The following CRISP2 variants were observed in gnomAD, a reference collection of about 807,000 sequenced individuals.
CRISP2 encodes cysteine rich secretory protein 2, also known as cysteine-rich secretory protein 2.
Under a neutral mutation model 31.7 loss-of-function variants are expected in CRISP2, and 29 were observed. That is an observed-to-expected ratio of 0.92 (90% CI 0.68 to 1.25). CRISP2 has a LOEUF of 1.25. CRISP2 is among the 50% of genes most tolerant of loss of function. The probability of loss-of-function intolerance (pLI) is 0.00; values close to 1 mark genes in which losing one functional copy is unlikely to be tolerated. For synonymous variants in CRISP2, 111 were observed against 101.4 expected, an observed-to-expected ratio of 1.09 and a Z score of -0.57; for missense variants, 318 against 286.5, an observed-to-expected ratio of 1.11 and a Z score of -0.79.
downstream of CRISP2, among the ~76,000 whole-genome samples, chr6:49,688,685 A>G (rs533485455): frequency 1.3e-5 from 2 of 152,156 alleles, no homozygotes; most frequent in African/African-American, 4.8e-5. Context: ...TTCCAAAATG[A>G]CTGCTTTACA....
rs1238688643 is a variant in CRISP2, at chr6:49,701,708, A to G, written c.67-924T>C. On this transcript the variant is annotated intron_variant, in intron 4 of 9. Coordinates refer to ENST00000339139, the MANE Select transcript of CRISP2 (RefSeq NM_003296.4). ...CATTATATATGTATACATTATGTAT[A>G]CATATATAATGTATATATAATGTAT... is the stretch of plus-strand genomic sequence containing the variant. 8.5e-3 allele frequency among the ~76,000 whole-genome samples: 492 copies of G among 58,036 alleles called. 8 individuals carry two copies. The highest frequency in any genetic ancestry group is 0.021 in the African/African-American group (337 of 15,942). The allele number at this position is 58,036 out of a possible 152,430, so 38.1% of individuals were successfully genotyped here.
the CRISP2 span, among the ~76,000 whole-genome samples, chr6:49,683,654 A>C: frequency 3.2e-5 from 3 of 95,052 alleles, no homozygotes; most frequent in Non-Finnish European, 6.1e-5. Flanking sequence ...GCAGAGTGAG[A>C]CTCCATTTCA....
rs527241792 is a variant in CRISP2 at position 49,699,018 on chromosome 6, T to C, written c.272-511A>G. On this transcript the variant is annotated intron_variant, in intron 6 of 9. Coordinates refer to ENST00000339139, the MANE Select transcript of CRISP2 (RefSeq NM_003296.4). ...GAAGGATAACAGTTTTCAAAATTTA[T>C]GGGTTTTCTCTTAACCAGGAAATCA... Among the ~76,000 whole-genome samples, 5 of 152,274 alleles carry C rather than the reference T, an allele frequency of 3.3e-5. No individual in the cohort carries two copies. The South Asian group carries it at 1.0e-3, about 32-fold the overall frequency.
At chr6:49,691,107 A>C (rs1200296930), downstream of CRISP2, among the ~76,000 whole-genome samples, 1 of 151,974 alleles carries the variant, frequency 6.6e-6, no homozygotes, top group Non-Finnish European at 1.5e-5. Context: ...CACAAAGCTA[A>C]CTCTAATCTT....
chr6:49,692,816 T>C lies in CRISP2; in HGVS notation c.689A>G (p.Glu230Gly). 1 of 1,613,902 alleles carries C rather than the reference T, an allele frequency of 6.2e-7. No homozygotes were observed. Among genetic ancestry groups the C allele is most frequent in the Non-Finnish European group, 8.5e-7 (1 of 1,179,802 alleles). ...TAGCEHELLKEKCKATCLCEN... is the reference protein window; with the variant it reads ...TAGCEHELLKGKCKATCLCEN... ...ACATAGGCAAGTAGCCTTGCACTTT[T>C]CCTTGAGTAACTCATGTTCACAGCC... Residue 230 changes from glutamate (E) to glycine (G), a missense_variant, in exon 10 of 10, where the codon GAA (glutamate) becomes GGA (glycine). By Grantham distance (98) the Glu-to-Gly change is moderately conservative. Transcript: ENST00000339139.
chr6:49,684,267 C>T, the CRISP2 span, among the ~76,000 whole-genome samples: 1 of 152,090 alleles, frequency 6.6e-6, no homozygotes, highest in East Asian at 1.9e-4. Flanking sequence ...ACACACCCTC[C>T]CACATACTTT....
chr6:49,706,054 A>G (rs900880585), intron 4 of CRISP2, among the ~76,000 whole-genome samples: 2 of 152,312 alleles, frequency 1.3e-5, no homozygotes, highest in Non-Finnish European at 1.5e-5. Flanking sequence ...CCTGCCTCCT[A>G]TCTGCCATTT....
chr6:49,697,765 G>T, intron 8 of CRISP2, 95 bp downstream of exon 8: 2 of 1,597,456 alleles, frequency 1.3e-6, no homozygotes, highest in South Asian at 1.1e-5. Flanking sequence ...CCCTTTTATT[G>T]AGATATGTTT....
intron 4 of CRISP2, among the ~76,000 whole-genome samples, chr6:49,701,930 A>G (rs1432374071): frequency 1.8e-4 from 2 of 11,030 alleles, no homozygotes; most frequent in Non-Finnish European, 2.7e-4. Flanking sequence ...ATTATATATA[A>G]TATATAATAT....
chr6:49,680,656 A>G, the CRISP2 span, among the ~76,000 whole-genome samples: 1 of 152,266 alleles, frequency 6.6e-6, no homozygotes, highest in East Asian at 1.9e-4. Flanking sequence ...CAACCTTGCC[A>G]ACATCTGTTA....
At chr6:49,702,041 TAA>T (rs1192691787) in intron 4 of CRISP2, among the ~76,000 whole-genome samples, 70 of 112,798 alleles carry the variant, frequency 6.2e-4, no homozygotes, top group African/African-American at 1.9e-3. Context: ...TATACATATA[TAA>T]GTTTATATTA....
At position 49,705,454 on chromosome 6, in the gene CRISP2, C is replaced by T. The variant is rs139180775; in HGVS notation, c.66+3677G>A. Among the ~76,000 whole-genome samples, 952 of 152,288 alleles carry T rather than the reference C, an allele frequency of 6.3e-3. 8 individuals carry two copies. Among genetic ancestry groups the T allele is most frequent in the African/African-American group, 0.021 (887 of 41,574 alleles). ...GGCTACAACCCTCCCCAAGGAGAGA[C>T]TAAGGAGGGCTTTCAGGCCTTTCCC... On this transcript the variant is annotated intron_variant, in intron 4 of 9. Coordinates refer to ENST00000339139, the MANE Select transcript of CRISP2 (RefSeq NM_003296.4).
chr6:49,700,921 A>G, intron 4 of CRISP2, 137 bp from the exon 5 acceptor site: 1 of 526,190 alleles, frequency 1.9e-6, no homozygotes, highest in South Asian at 2.5e-5. Flanking sequence ...TAAATACTAA[A>G]GTTATTTAAA....
At chr6:49,684,282 C>T in the CRISP2 span, among the ~76,000 whole-genome samples, 1 of 152,178 alleles carries the variant, frequency 6.6e-6, no homozygotes, top group African/African-American at 2.4e-5. Flanking sequence ...TACTTTAAAA[C>T]ATCTCTAGAT....
intron 4 of CRISP2, among the ~76,000 whole-genome samples, chr6:49,706,414 T>C (rs1280064084): frequency 6.6e-6 from 1 of 152,206 alleles, no homozygotes; most frequent in Non-Finnish European, 1.5e-5. Flanking sequence ...GGATCAAATC[T>C]ATCTAATGAA....
In CRISP2 at chr6:49,695,037, T is replaced by C. The variant is rs576150091; in HGVS notation, c.604+799A>G. Among the ~76,000 whole-genome samples, 5 of 152,262 alleles carry C rather than the reference T, an allele frequency of 3.3e-5. No individual in the cohort carries two copies. In the East Asian group the frequency reaches 9.7e-4, roughly 29 times the overall value. ...ATATTCTGAAATATAGCTATATAAC[T>C]GAGTCAGAAAAAATGCTTAGTAAAG... On this transcript the variant is annotated intron_variant, in intron 9 of 9. Coordinates refer to ENST00000339139, the MANE Select transcript of CRISP2 (RefSeq NM_003296.4).
intron 4 of CRISP2, among the ~76,000 whole-genome samples, chr6:49,708,250 A>G (rs1339383773): frequency 6.6e-6 from 1 of 152,176 alleles, no homozygotes; most frequent in African/African-American, 2.4e-5. Flanking sequence ...TAATTTAAAC[A>G]TGATATGCAA....
At chr6:49,683,835 T>C in the CRISP2 span, among the ~76,000 whole-genome samples, 21 of 150,160 alleles carry the variant, frequency 1.4e-4, no homozygotes, top group Non-Finnish European at 1.5e-5. Flanking sequence ...CACATTTTCA[T>C]GAATACAGAA....
the CRISP2 span, among the ~76,000 whole-genome samples, chr6:49,677,304 C>A: frequency 6.6e-6 from 1 of 152,082 alleles, no homozygotes; most frequent in Non-Finnish European, 1.5e-5. Flanking sequence ...ATGCCCCAAG[C>A]ATTTAGGATA....
Sources: gnomAD v4.1 joint callset for allele counts (sites outside exome capture counted in the v4.1 genomes callset) on GRCh38, gnomAD v4.1.1 for gene constraint, MANE v1.5 for transcripts, NCBI Gene and HGNC (gene_info 2026-07-23, HGNC 2026-07-21) for gene names.